Variants in ANKRD30B observed in about 807,000 individuals in gnomAD.
ANKRD30B encodes the protein ankyrin repeat domain-containing protein 30B.
A neutral mutation model predicts 202.2 loss-of-function variants in ANKRD30B; 144 were observed. The observed-to-expected ratio is 0.71, with a 90% confidence interval of 0.62 to 0.82. The LOEUF (loss-of-function observed/expected upper bound fraction) is 0.82. Among genes scored for constraint, ANKRD30B ranks in the 40% least tolerant of loss-of-function variants. The pLI, the probability that ANKRD30B is intolerant of heterozygous loss-of-function variation, is 0.00. For missense variants in ANKRD30B, 1,487 were observed against 1,669.1 expected, an observed-to-expected ratio of 0.89 and a Z score of 1.90; for synonymous variants, 508 against 561.3, an observed-to-expected ratio of 0.91 and a Z score of 1.34.
At chr18:14,915,790 A>G in the ANKRD30B span, among the ~76,000 whole-genome samples, 1 of 152,220 alleles carries the variant, frequency 6.6e-6, no homozygotes, top group Non-Finnish European at 1.5e-5. Context: ...CCTGATACGT[A>G]GATATAGTAG....
intron 9 of ANKRD30B, among the ~76,000 whole-genome samples, chr18:14,774,791 G>A (rs549291027): frequency 2.6e-5 from 4 of 151,290 alleles, no homozygotes; most frequent in South Asian, 2.1e-4. Flanking sequence ...TATAAACTAC[G>A]TAAGAGTAAA....
the ANKRD30B span, among the ~76,000 whole-genome samples, chr18:14,920,083 G>A: frequency 3.0e-4 from 45 of 152,348 alleles, no homozygotes; most frequent in African/African-American, 1.0e-3. Context: ...AGTAAACAAG[G>A]CACTGAACCA....
the ANKRD30B span, among the ~76,000 whole-genome samples, chr18:14,930,614 T>G: frequency 6.6e-6 from 1 of 152,124 alleles, no homozygotes; most frequent in Non-Finnish European, 1.5e-5. Context: ...ACACTCCTAT[T>G]GTCCAGCCAC....
chr18:14,913,477 T>A, the ANKRD30B span, among the ~76,000 whole-genome samples: 2 of 152,188 alleles, frequency 1.3e-5, no homozygotes, highest in Admixed American at 1.3e-4. Context: ...TATATTAAGA[T>A]AATTTATTAT....
the ANKRD30B span, among the ~76,000 whole-genome samples, chr18:14,924,268 A>G: frequency 2.6e-5 from 4 of 152,222 alleles, no homozygotes; most frequent in East Asian, 7.7e-4. Flanking sequence ...TCAATTTCCA[A>G]GTGGTGAAAC....
chr18:14,837,373 G>A (rs1328298223), intron 35 of ANKRD30B, 84 bp downstream of exon 35: 1 of 1,245,976 alleles, frequency 8.0e-7, no homozygotes, highest in East Asian at 2.6e-5. Context: ...ATGTTTAAAT[G>A]CTGTTATATA....
chr18:14,756,075 G>T (rs1176198101), intron 4 of ANKRD30B, among the ~76,000 whole-genome samples: 2 of 152,084 alleles, frequency 1.3e-5, no homozygotes, highest in Non-Finnish European at 2.9e-5. Context: ...GTTGTTTCCT[G>T]ACTTTTTAAT....
chr18:14,831,194 A>AAAAAAAAAC (rs1555668408), intron 33 of ANKRD30B, among the ~76,000 whole-genome samples, 189 bp from the exon 34 acceptor site: 8 of 151,048 alleles, frequency 5.3e-5, no homozygotes, highest in Admixed American at 2.6e-4. Context: ...AAAAAAAAAA[A>AAAAAAAAAC]AAAAAACGAA....
intron 42 of ANKRD30B, 51 bp downstream of exon 42, chr18:14,852,471 C>G (rs1280431852): frequency 6.7e-7 from 1 of 1,491,436 alleles, no homozygotes; most frequent in Non-Finnish European, 8.9e-7. Flanking sequence ...AAGAAAGTGG[C>G]CTTGGCTAAA....
chr18:14,775,180 C>T (rs1967281739), intron 9 of ANKRD30B, among the ~76,000 whole-genome samples: 2 of 152,306 alleles, frequency 1.3e-5, no homozygotes, highest in South Asian at 4.1e-4. Context: ...TCAGAACATA[C>T]TTTATAATCA....
chr18:14,764,654 C>T (rs901220794), intron 7 of ANKRD30B, among the ~76,000 whole-genome samples: 11 of 152,128 alleles, frequency 7.2e-5, no homozygotes, highest in African/African-American at 2.7e-4. Context: ...TCCAAAAGTG[C>T]TGGGAATTCA....
chr18:14,897,476 C>A, the ANKRD30B span, among the ~76,000 whole-genome samples: 1 of 152,010 alleles, frequency 6.6e-6, no homozygotes, highest in Non-Finnish European at 1.5e-5. Context: ...CCACCATGCC[C>A]GCCCCTAGCT....
At chr18:14,767,824 T>C (rs533049377) in intron 7 of ANKRD30B, among the ~76,000 whole-genome samples, 1 of 152,362 alleles carries the variant, frequency 6.6e-6, no homozygotes, top group Non-Finnish European at 1.5e-5. Flanking sequence ...ACTTATGACT[T>C]GCATATTTCT....
chr18:14,874,007 C>T, the ANKRD30B span, among the ~76,000 whole-genome samples: 1 of 152,144 alleles, frequency 6.6e-6, no homozygotes, highest in Non-Finnish European at 1.5e-5. Flanking sequence ...AGCCCTGGTG[C>T]CATTGATTTC....
At chr18:14,875,250 C>T in the ANKRD30B span, among the ~76,000 whole-genome samples, 2 of 152,176 alleles carry the variant, frequency 1.3e-5, no homozygotes, top group Admixed American at 1.3e-4. Flanking sequence ...ACCCCATAAC[C>T]TTGCAGACTT....
the ANKRD30B span, among the ~76,000 whole-genome samples, chr18:14,873,617 C>CT: frequency 4.6e-5 from 7 of 151,508 alleles, no homozygotes; most frequent in African/African-American, 7.3e-5. Flanking sequence ...AGCTATGTGA[C>CT]TGTGGGCAAA....
At chr18:14,937,001 C>G in the ANKRD30B span, among the ~76,000 whole-genome samples, 1 of 152,278 alleles carries the variant, frequency 6.6e-6, no homozygotes, top group African/African-American at 2.4e-5. Context: ...CCCGCTGGGT[C>G]CCCCATTATG....
the ANKRD30B span, among the ~76,000 whole-genome samples, chr18:14,861,317 A>G: frequency 6.6e-6 from 1 of 152,224 alleles, no homozygotes; most frequent in African/African-American, 2.4e-5. Flanking sequence ...TCCACTGAAT[A>G]GACACAAAGT....
intron 7 of ANKRD30B, among the ~76,000 whole-genome samples, 175 bp downstream of exon 7, chr18:14,764,265 T>C (rs1915739922): frequency 1.3e-5 from 2 of 152,270 alleles, no homozygotes; most frequent in African/African-American, 2.4e-5. Flanking sequence ...CCTGGAAAAA[T>C]TCTCACAATA....
Sources: allele counts gnomAD v4.1 joint callset (sites outside exome capture counted in the v4.1 genomes callset), GRCh38; gene constraint gnomAD v4.1.1; transcripts MANE v1.5; gene names NCBI Gene and HGNC (gene_info 2026-07-23, HGNC 2026-07-21).